Variants in TBC1D12 observed in about 807,000 individuals in gnomAD.
TBC1D12 encodes TBC1 domain family, member 12.
TBC1D12 carries 56 observed loss-of-function variants against 86.7 expected under a neutral mutation model. The ratio of observed to expected loss-of-function variants is 0.65; its 90% confidence interval spans 0.52 to 0.81. The LOEUF is 0.81. TBC1D12 is among the 30% of genes least tolerant of loss of function. TBC1D12 has a pLI of 0.00. For missense variants in TBC1D12, 1,023 were observed against 1,038.8 expected (o/e 0.98, Z 0.21); for synonymous variants, 421 against 411.7 (o/e 1.02, Z -0.27).
intron 1 of TBC1D12, among the ~76,000 whole-genome samples, chr10:94,434,345 A>C (rs2055263826): frequency 6.6e-6 from 1 of 151,758 alleles, no homozygotes; most frequent in Non-Finnish European, 1.5e-5. Context: ...GTCTCTACTA[A>C]AAATACAAAA....
rs12773174 is a variant in TBC1D12 at position 94,535,818 on chromosome 10, T to A, written c.*2722T>A. 6.6e-6 allele frequency: 1 copy of A among 152,180 alleles called. No individual in the cohort carries two copies. Among genetic ancestry groups the A allele is most frequent in the Admixed American group, 6.6e-5 (1 of 15,260 alleles). The allele number at this position is 152,180 out of a possible 1,614,324, so 9.4% of individuals were successfully genotyped here. A position where few individuals can be genotyped will look rare whatever the true frequency, so the allele number is the denominator to read the frequency against. On this transcript the variant is annotated 3_prime_UTR_variant, in exon 13 of 13. Coordinates refer to ENST00000225235, the MANE Select transcript of TBC1D12 (RefSeq NM_015188.2). Reference sequence around the variant, plus strand: ...TGTTTTTCTTATTTTTTTATTATTGTACAGTTTCTTTACCTTTCAAGTATA... The same window carrying A: ...TGTTTTTCTTATTTTTTTATTATTGAACAGTTTCTTTACCTTTCAAGTATA...
chr10:94,533,596 G>A lies in TBC1D12; in HGVS notation c.*500G>A, dbSNP rs1219561055. ...GTAAATTATTTAAGTCACTGAAGAT[G>A]TCATTTATCTTCATTCACAAGTTGG... On this transcript the variant is annotated 3_prime_UTR_variant, in exon 13 of 13. Transcript: ENST00000225235. 6.6e-6 allele frequency: 1 copy of A among 152,144 alleles called. No homozygotes were observed. The highest frequency in any genetic ancestry group is 6.5e-5 in the Admixed American group (1 of 15,272). 9.4% of individuals were successfully genotyped at this position (152,144 alleles called of 1,614,324 possible). A position where few individuals can be genotyped will look rare whatever the true frequency, so the allele number is the denominator to read the frequency against.
intron 3 of TBC1D12, among the ~76,000 whole-genome samples, chr10:94,487,924 A>G (rs534644745): frequency 3.2e-4 from 47 of 149,146 alleles, no homozygotes; most frequent in Admixed American, 1.1e-3. Flanking sequence ...CTGATCTTGA[A>G]CTCTTGGGCA....
chr10:94,472,386 GTT>G (rs933903362), intron 2 of TBC1D12, among the ~76,000 whole-genome samples: 3 of 152,184 alleles, frequency 2.0e-5, no homozygotes, highest in African/African-American at 7.2e-5. Flanking sequence ...TTGTGCCTCA[GTT>G]TTTCTCCACT....
intron 3 of TBC1D12, among the ~76,000 whole-genome samples, chr10:94,483,738 T>G (rs1016696221): frequency 1.3e-4 from 20 of 152,232 alleles, no homozygotes; most frequent in Admixed American, 2.0e-4. Flanking sequence ...TTTTGTTTTT[T>G]TTTGTTTGTT....
chr10:94,487,495 G>T (rs2056182888), intron 3 of TBC1D12, among the ~76,000 whole-genome samples: 1 of 150,454 alleles, frequency 6.6e-6, no homozygotes, highest in Non-Finnish European at 1.5e-5. Flanking sequence ...TTTATTTGAG[G>T]TTACCATGTG....
intron 2 of TBC1D12, among the ~76,000 whole-genome samples, chr10:94,462,140 G>C (rs1001686880): frequency 1.3e-5 from 2 of 152,010 alleles, no homozygotes; most frequent in African/African-American, 4.8e-5. Context: ...TCTGGTATTG[G>C]GATAATACAA....
intron 1 of TBC1D12, among the ~76,000 whole-genome samples, chr10:94,439,556 G>A (rs1343882967): frequency 6.6e-6 from 1 of 152,158 alleles, no homozygotes. Flanking sequence ...TTGCTGAGGG[G>A]CTGCAGTCTG....
chr10:94,498,803 C>T (rs1475521178), intron 5 of TBC1D12, among the ~76,000 whole-genome samples: 1 of 151,570 alleles, frequency 6.6e-6, no homozygotes, highest in Non-Finnish European at 1.5e-5. Flanking sequence ...AGGTCTCACT[C>T]TGTTGCCCAG....
chr10:94,429,290 CT>C (rs888760679), intron 1 of TBC1D12, among the ~76,000 whole-genome samples: 1 of 150,680 alleles, frequency 6.6e-6, no homozygotes, highest in African/African-American at 2.4e-5. Context: ...AAATTCTCTA[CT>C]TTTTTTTTAA....
intron 2 of TBC1D12, among the ~76,000 whole-genome samples, chr10:94,448,363 A>C (rs1450683700): frequency 6.6e-6 from 1 of 152,208 alleles, no homozygotes; most frequent in Non-Finnish European, 1.5e-5. Flanking sequence ...TATTGGTTTT[A>C]ATTATGCTTA....
At chr10:94,420,866 T>C (rs2055064667) in intron 1 of TBC1D12, among the ~76,000 whole-genome samples, 1 of 152,230 alleles carries the variant, frequency 6.6e-6, no homozygotes, top group Admixed American at 6.5e-5. Context: ...CTTTCAAGTT[T>C]TATTTTTAAT....
chr10:94,475,394 C>A (rs2055974432), intron 3 of TBC1D12, among the ~76,000 whole-genome samples: 1 of 152,036 alleles, frequency 6.6e-6, no homozygotes, highest in Non-Finnish European at 1.5e-5. Context: ...GAATACATTT[C>A]TTATTTATTT....
intron 6 of TBC1D12, among the ~76,000 whole-genome samples, chr10:94,502,943 A>G (rs2056417458): frequency 6.6e-6 from 1 of 152,168 alleles, no homozygotes; most frequent in Admixed American, 6.5e-5. Flanking sequence ...AATTTGGTGT[A>G]TATTCTTTCT....
chr10:94,426,485 A>G (rs2055148063), intron 1 of TBC1D12, among the ~76,000 whole-genome samples: 1 of 152,084 alleles, frequency 6.6e-6, no homozygotes, highest in Non-Finnish European at 1.5e-5. Context: ...TTCATCAATG[A>G]CTTTCAAGTG....
intron 2 of TBC1D12, among the ~76,000 whole-genome samples, chr10:94,442,778 A>C (rs767919811): frequency 3.3e-5 from 5 of 152,246 alleles, no homozygotes; most frequent in Non-Finnish European, 7.3e-5. Flanking sequence ...CACAGCTAGC[A>C]TTTATAAAAA....
chr10:94,406,759 G>T (rs964635046), intron 1 of TBC1D12, among the ~76,000 whole-genome samples: 2 of 152,248 alleles, frequency 1.3e-5, no homozygotes, highest in African/African-American at 4.8e-5. Flanking sequence ...CTCTTTGGAA[G>T]TGGCTTGTTT....
intron 2 of TBC1D12, among the ~76,000 whole-genome samples, chr10:94,444,348 A>G (rs1321176883): frequency 6.6e-6 from 1 of 152,084 alleles, no homozygotes; most frequent in Non-Finnish European, 1.5e-5. Flanking sequence ...TACTGTGAAA[A>G]AAATCAGAGA....
intron 2 of TBC1D12, among the ~76,000 whole-genome samples, chr10:94,464,451 T>C (rs922744219): frequency 3.9e-5 from 6 of 152,204 alleles, no homozygotes. Context: ...CATCTTAGTC[T>C]CATGATACCT....
Sources: allele counts gnomAD v4.1 joint callset (sites outside exome capture counted in the v4.1 genomes callset), GRCh38; gene constraint gnomAD v4.1.1; transcripts MANE v1.5; gene names NCBI Gene and HGNC (gene_info 2026-07-23, HGNC 2026-07-21).